DMXL2: variants seen among roughly 807,000 people sequenced by gnomAD.
The protein encoded by DMXL2 is Dmx like 2.
In DMXL2, 103 loss-of-function variants were observed where a neutral mutation model predicts 331.1. The ratio of observed to expected loss-of-function variants is 0.31; its 90% CI spans 0.27 to 0.37. The LOEUF (loss-of-function observed/expected upper bound fraction) is 0.37. DMXL2 is among the 10% of genes least tolerant of loss of function. The pLI is 1.00. For synonymous variants in DMXL2, 1,281 were observed against 1,252.1 expected, an observed-to-expected ratio of 1.02 and a Z score of -0.49; for missense variants, 3,171 against 3,642.9, an observed-to-expected ratio of 0.87 and a Z score of 3.33.
intron 15 of DMXL2, 57 bp from the exon 16 acceptor site, chr15:51,507,310 A>G (rs2046463711): frequency 1.7e-5 from 25 of 1,510,596 alleles, no homozygotes; most frequent in Non-Finnish European, 2.0e-5. Context: ...GGTTAAAAAA[A>G]CACTTTTTAA....
Position 51,471,248 on chromosome 15 carries a change from C to T in DMXL2, c.7367G>A (p.Ser2456Asn), listed in dbSNP as rs2041081190. The part of the protein sequence containing the change: ...YKEKFIPPEL[S>N]MWDYFVAKPF... ...CTTTGCAACAAAATAATCCCACATA[C>T]TAAGTTCGGGAGGAATAAATTTTTC... The change falls in exon 29 of 44, where the codon AGT (serine) becomes AAT (asparagine). Residue 2456 changes from serine (S) to asparagine (N), a missense_variant. By Grantham distance (46) the Ser-to-Asn change is conservative (BLOSUM62 1). Coordinates refer to ENST00000560891, the MANE Select transcript of DMXL2 (RefSeq NM_001378457.1). 6.2e-7 allele frequency: 1 copy of T among 1,613,756 alleles called. No individual in the cohort carries two copies. Among genetic ancestry groups the T allele is most frequent in the Non-Finnish European group, 8.5e-7 (1 of 1,179,882 alleles).
intron 1 of DMXL2, among the ~76,000 whole-genome samples, chr15:51,602,399 C>G (rs1204438113): frequency 6.6e-6 from 1 of 152,120 alleles, no homozygotes; most frequent in Non-Finnish European, 1.5e-5. Context: ...TCTGAGGTGC[C>G]ATGACCCCAA....
rs542188344 is a variant in DMXL2, at chr15:51,477,909, T to G, written c.6833+362A>C. Among the ~76,000 whole-genome samples, 10 of 152,166 alleles carry G rather than the reference T, an allele frequency of 6.6e-5. No homozygotes were observed. The South Asian group carries it at 1.0e-3, about 16-fold the overall frequency. ...TTTTCAAAAGTATTTTTTATTTCAA[T>G]GGATAATTAGTTAAATAGCTGCTAA... On this transcript the variant is annotated intron_variant, in intron 26 of 43. Coordinates refer to ENST00000560891, the MANE Select transcript of DMXL2 (RefSeq NM_001378457.1).
intron 2 of DMXL2, 82 bp downstream of exon 2, chr15:51,575,974 C>T: frequency 7.3e-7 from 1 of 1,364,498 alleles, no homozygotes; most frequent in Non-Finnish European, 1.0e-6. Flanking sequence ...TATACGCAAG[C>T]TTTGCATAAA....
chr15:51,583,198 C>T (rs1260291243), intron 1 of DMXL2, among the ~76,000 whole-genome samples: 1 of 104,412 alleles, frequency 9.6e-6, no homozygotes, highest in East Asian at 2.9e-4. Context: ...CATATGTATA[C>T]ATGTGCCATG....
At chr15:51,497,670 T>C (rs968762531) in intron 18 of DMXL2, among the ~76,000 whole-genome samples, 5 of 152,192 alleles carry the variant, frequency 3.3e-5, no homozygotes, top group Non-Finnish European at 5.9e-5. Context: ...TAAAAGAGAA[T>C]GGAATCTAGT....
At chr15:51,454,843 T>TA (rs1486675592) in intron 40 of DMXL2, among the ~76,000 whole-genome samples, 8 of 152,104 alleles carry the variant, frequency 5.3e-5, no homozygotes, top group Non-Finnish European at 5.9e-5. Flanking sequence ...ATTAAGAAGA[T>TA]AGAGTTTTCA....
rs200523115 is a variant in DMXL2, at chr15:51,588,161, G to GT, written c.88-11981dup. On this transcript the variant is annotated intron_variant, in intron 1 of 43. Coordinates refer to ENST00000560891, the MANE Select transcript of DMXL2 (RefSeq NM_001378457.1). ...GGTGATGACCCAATATTGTTTAGGGGTTTTTTTTTTTTTTGAGATGAGGTC... is the reference window on the plus strand; with the variant it reads ...GGTGATGACCCAATATTGTTTAGGGGTTTTTTTTTTTTTTTGAGATGAGGTC... Among the ~76,000 whole-genome samples the GT allele has an allele frequency of 1.5e-3, 216 of 141,410 alleles. 2 individuals carry two copies. Among genetic ancestry groups the GT allele is most frequent in the South Asian group, 0.011 (50 of 4,384 alleles). The allele number at this position is 141,410 out of a possible 152,430, so 92.8% of individuals were successfully genotyped here. A position where few individuals can be genotyped will look rare whatever the true frequency, so the allele number is the denominator to read the frequency against.
At chr15:51,555,392 G>A (rs571890671) in intron 6 of DMXL2, among the ~76,000 whole-genome samples, 1 of 152,198 alleles carries the variant, frequency 6.6e-6, no homozygotes, top group East Asian at 1.9e-4. Flanking sequence ...TAGAGATCAG[G>A]GAAGAGGTAC....
intron 1 of DMXL2, among the ~76,000 whole-genome samples, chr15:51,580,470 G>C (rs2051333625): frequency 6.6e-6 from 1 of 152,162 alleles, no homozygotes; most frequent in South Asian, 2.1e-4. Context: ...GCCTTTTCTG[G>C]AGAAATGGAA....
intron 28 of DMXL2, among the ~76,000 whole-genome samples, chr15:51,473,635 T>C (rs1400227729): frequency 2.0e-5 from 3 of 152,232 alleles, no homozygotes; most frequent in African/African-American, 4.8e-5. Flanking sequence ...ATCTGTAATA[T>C]GTCCATTTCT....
chr15:51,621,214 A>T (rs1426937661), intron 1 of DMXL2, among the ~76,000 whole-genome samples: 1 of 152,252 alleles, frequency 6.6e-6, no homozygotes, highest in Non-Finnish European at 1.5e-5. Context: ...GAGCTAGGCC[A>T]AGTGGATTAC....
intron 7 of DMXL2, among the ~76,000 whole-genome samples, chr15:51,546,841 A>G (rs1255863183): frequency 1.3e-5 from 2 of 152,094 alleles, no homozygotes; most frequent in African/African-American, 4.8e-5. Flanking sequence ...TTTCCCTTCA[A>G]TGTGTGCTTT....
At chr15:51,478,829 C>T (rs2041794043) in intron 25 of DMXL2, among the ~76,000 whole-genome samples, 1 of 151,980 alleles carries the variant, frequency 6.6e-6, no homozygotes, top group Non-Finnish European at 1.5e-5. Context: ...TGTGAAACAG[C>T]AGATTTTCCA....
intron 6 of DMXL2, 145 bp from the exon 7 acceptor site, chr15:51,547,553 A>G: frequency 3.9e-6 from 2 of 508,002 alleles, no homozygotes; most frequent in Non-Finnish European, 6.6e-6. Flanking sequence ...TCAAAATTAC[A>G]TTACTTTAAA....
At chr15:51,493,965 C>T (rs1425146156) in intron 19 of DMXL2, among the ~76,000 whole-genome samples, 1 of 151,924 alleles carries the variant, frequency 6.6e-6, no homozygotes, top group African/African-American at 2.4e-5. Flanking sequence ...TACGTGTATA[C>T]AAACTTCTGG....
intron 6 of DMXL2, among the ~76,000 whole-genome samples, chr15:51,562,839 G>A (rs946799525): frequency 3.9e-5 from 6 of 152,118 alleles, no homozygotes; most frequent in Non-Finnish European, 1.5e-5. Flanking sequence ...AGATGATGTT[G>A]GGGATATCAA....
At chr15:51,618,113 C>G (rs1006022502) in intron 1 of DMXL2, among the ~76,000 whole-genome samples, 1 of 152,168 alleles carries the variant, frequency 6.6e-6, no homozygotes, top group African/African-American at 2.4e-5. Context: ...CCAGCCAGTA[C>G]AGAAGCATGT....
intron 18 of DMXL2, among the ~76,000 whole-genome samples, chr15:51,498,009 G>T (rs912397003): frequency 1.3e-5 from 2 of 152,158 alleles, no homozygotes; most frequent in Non-Finnish European, 2.9e-5. Flanking sequence ...AAGGCAGGAG[G>T]ACTGCTTGAG....
Sources: allele counts gnomAD v4.1 joint callset (sites outside exome capture counted in the v4.1 genomes callset), GRCh38; gene constraint gnomAD v4.1.1; transcripts MANE v1.5; gene names NCBI Gene and HGNC (gene_info 2026-07-23, HGNC 2026-07-21).